The following PARD3B variants were observed in gnomAD, a reference collection of about 807,000 sequenced individuals.
PARD3B encodes the protein partitioning defective 3 homolog B.
Under a neutral mutation model 130.2 loss-of-function variants are expected in PARD3B, and 103 were observed. The ratio of observed to expected loss-of-function variants is 0.79; its 90% CI spans 0.67 to 0.93. PARD3B has a LOEUF of 0.93. PARD3B is among the 40% of genes least tolerant of loss of function. The probability of loss-of-function intolerance (pLI) is 0.00; values close to 1 mark genes in which losing one functional copy is unlikely to be tolerated. For missense variants in PARD3B, 1,609 were observed against 1,499.2 expected (o/e 1.07, Z -1.21); for synonymous variants, 583 against 553.2 (o/e 1.05, Z -0.76).
intron 2 of PARD3B, among the ~76,000 whole-genome samples, chr2:204,690,160 T>G (rs1338983710): frequency 6.6e-6 from 1 of 152,202 alleles, no homozygotes; most frequent in Non-Finnish European, 1.5e-5. Context: ...ATTATTTGAT[T>G]TAGATACAGT....
chr2:205,455,995 A>G (rs937871723), intron 20 of PARD3B, among the ~76,000 whole-genome samples: 1 of 152,066 alleles, frequency 6.6e-6, no homozygotes, highest in African/African-American at 2.4e-5. Flanking sequence ...TTTTCTGTCC[A>G]TAATTCTGTC....
At chr2:205,418,401 C>A (rs1395009486) in intron 19 of PARD3B, among the ~76,000 whole-genome samples, 1 of 151,970 alleles carries the variant, frequency 6.6e-6, no homozygotes, top group Non-Finnish European at 1.5e-5. Flanking sequence ...ACAATCTAGT[C>A]CCTGCCCTCA....
intron 18 of PARD3B, among the ~76,000 whole-genome samples, chr2:205,354,161 C>T (rs1429526048): frequency 1.3e-5 from 2 of 151,388 alleles, no homozygotes; most frequent in African/African-American, 4.9e-5. Flanking sequence ...ACCTCAGCCT[C>T]CTGAGTAGCT....
At chr2:204,958,036 T>C (rs1575417198) in intron 2 of PARD3B, among the ~76,000 whole-genome samples, 2 of 152,314 alleles carry the variant, frequency 1.3e-5, no homozygotes, top group African/African-American at 4.8e-5. Flanking sequence ...CAAATAAGCC[T>C]TTCTTAGTAA....
chr2:204,553,639 T>C (rs55716472), intron 1 of PARD3B, among the ~76,000 whole-genome samples: 2 of 125,448 alleles, frequency 1.6e-5, no homozygotes, highest in Admixed American at 8.6e-5. Flanking sequence ...TGGATATATA[T>C]TTATATATAT....
intron 20 of PARD3B, among the ~76,000 whole-genome samples, chr2:205,456,868 T>G (rs1394052050): frequency 2.0e-5 from 3 of 149,752 alleles, no homozygotes; most frequent in African/African-American, 7.3e-5. Flanking sequence ...TAAATATAAT[T>G]TAATAAATAT....
At chr2:204,733,736 T>TATA (rs1331693379) in intron 2 of PARD3B, among the ~76,000 whole-genome samples, 1 of 151,962 alleles carries the variant, frequency 6.6e-6, no homozygotes, top group African/African-American at 2.4e-5. Context: ...AGACCACAGT[T>TATA]ATACAGTCAA....
At chr2:204,587,240 G>A (rs1359592948) in intron 1 of PARD3B, among the ~76,000 whole-genome samples, 1 of 152,152 alleles carries the variant, frequency 6.6e-6, no homozygotes, top group African/African-American at 2.4e-5. Flanking sequence ...ATATTTGTAG[G>A]ATAAATCTTA....
At chr2:205,050,924 G>A (rs76803560) in intron 4 of PARD3B, among the ~76,000 whole-genome samples, 1 of 152,084 alleles carries the variant, frequency 6.6e-6, no homozygotes, top group Admixed American at 6.6e-5. Context: ...GTTAGTGCCC[G>A]TTGTTCTGGC....
chr2:205,579,124 C>A (rs6750419), intron 22 of PARD3B, among the ~76,000 whole-genome samples: 119,536 of 152,124 alleles, frequency 0.79, 47,502 homozygotes, highest in Middle Eastern at 0.88. Context: ...TCTTCCTAGC[C>A]TTCTAATTGT....
At chr2:205,462,764 T>G (rs146584661) in intron 20 of PARD3B, among the ~76,000 whole-genome samples, 11 of 152,300 alleles carry the variant, frequency 7.2e-5, no homozygotes, top group Non-Finnish European at 1.3e-4. Context: ...CAGAATATAA[T>G]GTATGCAATC....
intron 4 of PARD3B, among the ~76,000 whole-genome samples, chr2:205,093,916 C>G (rs1039952824): frequency 6.6e-6 from 1 of 152,124 alleles, no homozygotes; most frequent in Non-Finnish European, 1.5e-5. Flanking sequence ...ACAAACAAAC[C>G]TTTTGCTGAC....
At chr2:204,556,905 A>G (rs1384206382) in intron 1 of PARD3B, among the ~76,000 whole-genome samples, 1 of 152,098 alleles carries the variant, frequency 6.6e-6, no homozygotes, top group African/African-American at 2.4e-5. Context: ...GTTTTCAACA[A>G]AATTATCAAG....
intron 4 of PARD3B, among the ~76,000 whole-genome samples, chr2:205,096,286 G>A (rs959371963): frequency 3.2e-4 from 49 of 152,100 alleles, no homozygotes; most frequent in African/African-American, 1.2e-3. Context: ...AGGGCCAGGA[G>A]GTGATGTGTC....
chr2:204,639,148 A>C (rs1477557009), intron 1 of PARD3B, among the ~76,000 whole-genome samples: 7 of 152,170 alleles, frequency 4.6e-5, no homozygotes, highest in Admixed American at 4.6e-4. Flanking sequence ...GAACAGCAAA[A>C]ATCTTTTATC....
At chr2:205,576,325 T>C (rs2053758240) in intron 22 of PARD3B, among the ~76,000 whole-genome samples, 2 of 151,948 alleles carry the variant, frequency 1.3e-5, no homozygotes, top group African/African-American at 2.4e-5. Context: ...TGGCTTTTTT[T>C]TTTTTCATGG....
chr2:205,137,250 A>G (rs1010882294), intron 10 of PARD3B, among the ~76,000 whole-genome samples: 1 of 152,198 alleles, frequency 6.6e-6, no homozygotes, highest in African/African-American at 2.4e-5. Flanking sequence ...TTCGTTTATG[A>G]GGTGGGACTC....
Position 205,590,412 on chromosome 2 carries a change from G to A in PARD3B, c.3261-25044G>A, listed in dbSNP as rs35473201. 0.17 allele frequency among the ~76,000 whole-genome samples: 26,064 copies of A among 152,142 alleles called. 2,930 individuals carry two copies. Among genetic ancestry groups the A allele is most frequent in the East Asian group, 0.37 (1,912 of 5,158 alleles). On this transcript the variant is annotated intron_variant, in intron 22 of 22. Coordinates refer to ENST00000406610, the MANE Select transcript of PARD3B (RefSeq NM_001302769.2). The surrounding 1 kb of genome is among the most constrained non-coding windows in gnomAD (Gnocchi z 4.1). ...CTTCTCAGCTACTCCACAAAAGAGG[G>A]ATCCTCTCATTTTAACATTTTCCAC...
At chr2:205,418,079 C>A (rs2106080821) in intron 19 of PARD3B, among the ~76,000 whole-genome samples, 1 of 152,138 alleles carries the variant, frequency 6.6e-6, no homozygotes, top group East Asian at 1.9e-4. Flanking sequence ...GGAATAGTTC[C>A]CAATTTCAGG....
Sources: allele counts gnomAD v4.1 joint callset (sites outside exome capture counted in the v4.1 genomes callset), GRCh38; gene constraint gnomAD v4.1.1; non-coding constraint Gnocchi (gnomAD v3.1); transcripts MANE v1.5; gene names NCBI Gene and HGNC (gene_info 2026-07-23, HGNC 2026-07-21).